The following CASQ2 variants were observed in gnomAD, a reference collection of about 807,000 sequenced individuals.
CASQ2 encodes calsequestrin-2.
In CASQ2, 49 loss-of-function variants were observed where a neutral mutation model predicts 46.5. That is an observed-to-expected ratio of 1.05 (90% CI 0.84 to 1.34). CASQ2 has a LOEUF of 1.34. Ranked by LOEUF, CASQ2 falls within the 40% of genes most tolerant of loss-of-function variation. The pLI, the probability that CASQ2 is intolerant of heterozygous loss-of-function variation, is 0.00. For missense variants in CASQ2, 486 were observed against 481.3 expected, an observed-to-expected ratio of 1.01 and a Z score of -0.09; for synonymous variants, 174 against 168.5, an observed-to-expected ratio of 1.03 and a Z score of -0.25.
intron 6 of CASQ2, 62 bp downstream of exon 6, chr1:115,726,930 G>A: frequency 1.5e-6 from 2 of 1,365,708 alleles, no homozygotes; most frequent in South Asian, 1.2e-5. Context: ...TGTTAGCACA[G>A]AGAGGCTCCT....
Position 115,727,146 on chromosome 1 carries a change from A to G in CASQ2, c.607-24T>C. On this transcript the variant is annotated intron_variant, in intron 5 of 10. Coordinates refer to ENST00000261448, the MANE Select transcript of CASQ2 (RefSeq NM_001232.4). ...ACCTGTAACCATTAGAAATAAGACA[A>G]AGTTTATTTGAATACTAGTCTAGAA... The G allele has an allele frequency of 1.9e-6, 3 of 1,572,780 alleles. No individual in the cohort carries two copies. In the Middle Eastern group the frequency reaches 5.0e-4, roughly 265 times the overall value.
chr1:115,726,259 C>T (rs2101078218), intron 6 of CASQ2, among the ~76,000 whole-genome samples: 1 of 152,286 alleles, frequency 6.6e-6, no homozygotes. Flanking sequence ...TATCTTCCCT[C>T]CCTCAAGAGC....
intron 3 of CASQ2, 42 bp downstream of exon 3, chr1:115,740,686 G>A (rs1351280521): frequency 8.2e-7 from 1 of 1,224,536 alleles, no homozygotes; most frequent in Non-Finnish European, 1.2e-6. Flanking sequence ...TATATTTGAG[G>A]AGAGGCAGCT....
intron 10 of CASQ2, 102 bp downstream of exon 10, chr1:115,702,819 G>C: frequency 1.1e-6 from 1 of 929,986 alleles, no homozygotes; most frequent in Admixed American, 2.0e-5. Flanking sequence ...GCCCTCTTCT[G>C]AAAAGGCTGG....
At chr1:115,755,656 T>C (rs1457802813) in intron 1 of CASQ2, among the ~76,000 whole-genome samples, 2 of 152,236 alleles carry the variant, frequency 1.3e-5, no homozygotes, top group African/African-American at 4.8e-5. Context: ...CATGGATAAC[T>C]AACTTGAGTG....
intron 8 of CASQ2, among the ~76,000 whole-genome samples, chr1:115,716,669 C>CA (rs1184652973): frequency 6.6e-6 from 1 of 152,096 alleles, no homozygotes; most frequent in Non-Finnish European, 1.5e-5. Context: ...AAAGCATCTC[C>CA]AAAAACACTT....
At chr1:115,753,900 A>AG (rs1054179893) in intron 1 of CASQ2, among the ~76,000 whole-genome samples, 2 of 152,018 alleles carry the variant, frequency 1.3e-5, no homozygotes, top group African/African-American at 4.8e-5. Context: ...CTGAAAAAAA[A>AG]AAAGTTGAGC....
chr1:115,726,888 T>TA, intron 6 of CASQ2, 104 bp downstream of exon 6: 1 of 856,438 alleles, frequency 1.2e-6, no homozygotes, highest in Non-Finnish European at 1.9e-6. Flanking sequence ...GCTGGGGTAC[T>TA]AACTAGGTTG....
rs10542263 is a variant in CASQ2 at position 115,751,671 on chromosome 1, T to TA, written c.235-6760dup. On this transcript the variant is annotated intron_variant, in intron 1 of 10. Coordinates refer to ENST00000261448, the MANE Select transcript of CASQ2 (RefSeq NM_001232.4). Reference sequence around the variant, plus strand: ...TGGGCAACAGAGTGAGCCTCCATCTTAAAAAAAAAAAAAATAGCTCTAGGT... The same window carrying TA: ...TGGGCAACAGAGTGAGCCTCCATCTTAAAAAAAAAAAAAAATAGCTCTAGGT... Among the ~76,000 whole-genome samples the TA allele has an allele frequency of 2.2e-3, 325 of 148,582 alleles. 3 individuals carry two copies. The highest frequency in any genetic ancestry group is 0.02 in the East Asian group (98 of 4,960).
intron 1 of CASQ2, among the ~76,000 whole-genome samples, chr1:115,759,279 T>C (rs534462028): frequency 3.7e-4 from 56 of 152,286 alleles, no homozygotes; most frequent in Non-Finnish European, 8.8e-5. Flanking sequence ...GGTGTTTGGG[T>C]TATGTGGGTG....
intron 2 of CASQ2, among the ~76,000 whole-genome samples, chr1:115,744,035 T>C (rs893327422): frequency 9.3e-5 from 14 of 150,846 alleles, no homozygotes; most frequent in African/African-American, 3.4e-4. Context: ...TCTCAGCTAC[T>C]CAAGAGGCTG....
intron 1 of CASQ2, among the ~76,000 whole-genome samples, chr1:115,764,118 A>G (rs967369576): frequency 1.3e-5 from 2 of 152,240 alleles, no homozygotes; most frequent in African/African-American, 4.8e-5. Context: ...AAATACATAA[A>G]TGGCAAAAGA....
In CASQ2 at chr1:115,768,463, T is replaced by C. The variant is rs1455667839; in HGVS notation, c.79A>G (p.Thr27Ala). 5 of 1,613,696 alleles carry C rather than the reference T, an allele frequency of 3.1e-6. No individual in the cohort carries two copies. Among genetic ancestry groups the C allele is most frequent in the South Asian group, 1.1e-5 (1 of 91,078 alleles). The change falls in exon 1 of 11, where the codon ACA becomes GCA. Residue 27 changes from threonine (T) to alanine (A), a missense_variant. Physicochemically the swap from Thr to Ala is moderately conservative, Grantham distance 58. Transcript: ENST00000261448. The part of the protein sequence containing the change: ...CRAEEGLNFP[T>A]YDGKDRVVSL... ...ACCACTCGGTCCTTCCCATCATATG[T>C]GGGGAAATTAAGCCCCTCTTCTGCC...
At chr1:115,723,475 T>A (rs1046005253) in intron 7 of CASQ2, among the ~76,000 whole-genome samples, 2 of 152,298 alleles carry the variant, frequency 1.3e-5, no homozygotes, top group African/African-American at 2.4e-5. Context: ...AAAAACAATT[T>A]AAAAAATACT....
chr1:115,760,759 C>A (rs1281124724), intron 1 of CASQ2, among the ~76,000 whole-genome samples: 1 of 152,088 alleles, frequency 6.6e-6, no homozygotes, highest in Non-Finnish European at 1.5e-5. Context: ...TAATATGTGG[C>A]CAAAGTTGAG....
At chr1:115,711,542 G>T (rs1051034249) in intron 8 of CASQ2, among the ~76,000 whole-genome samples, 21 of 151,278 alleles carry the variant, frequency 1.4e-4, no homozygotes, top group Admixed American at 4.6e-4. Context: ...GACTTTGTCT[G>T]TCTTCTTCCT....
intron 1 of CASQ2, among the ~76,000 whole-genome samples, chr1:115,752,810 CAGAA>C (rs1273000683): frequency 2.0e-5 from 3 of 152,082 alleles, no homozygotes; most frequent in Non-Finnish European, 4.4e-5. Context: ...GTAGAGCAGA[CAGAA>C]AGGAGAGTGG....
chr1:115,734,797 C>T (rs772208534), intron 4 of CASQ2, among the ~76,000 whole-genome samples: 7 of 152,140 alleles, frequency 4.6e-5, no homozygotes, highest in East Asian at 3.9e-4. Flanking sequence ...GTATCACAGA[C>T]GTTAGTAACT....
intron 9 of CASQ2, among the ~76,000 whole-genome samples, chr1:115,704,624 T>G (rs1056299018): frequency 2.6e-5 from 4 of 152,164 alleles, no homozygotes; most frequent in Admixed American, 2.6e-4. Context: ...TTTTAAAAAC[T>G]AAGTATAATC....
Sources: allele counts gnomAD v4.1 joint callset (sites outside exome capture counted in the v4.1 genomes callset), GRCh38; gene constraint gnomAD v4.1.1; transcripts MANE v1.5; gene names NCBI Gene and HGNC (gene_info 2026-07-23, HGNC 2026-07-21).